FAM234A: variants seen among roughly 807,000 people sequenced by gnomAD.
FAM234A encodes the protein family with sequence similarity 234 member A.
FAM234A carries 42 observed loss-of-function variants against 49.1 expected under a neutral mutation model. The ratio of observed to expected loss-of-function variants is 0.86; its 90% CI spans 0.67 to 1.11. The LOEUF is 1.11. Ranked by LOEUF, FAM234A falls within the 50% of genes least tolerant of loss-of-function variation. FAM234A has a pLI of 0.00. For synonymous variants in FAM234A, 369 were observed against 316.2 expected, an observed-to-expected ratio of 1.17 and a Z score of -1.77; for missense variants, 815 against 745.2, an observed-to-expected ratio of 1.09 and a Z score of -1.09.
At chr16:244,782 G>C (rs553364901) in intron 1 of FAM234A, among the ~76,000 whole-genome samples, 1 of 147,632 alleles carries the variant, frequency 6.8e-6, no homozygotes, top group East Asian at 2.0e-4. Context: ...CTGCCTCCCA[G>C]GTTCAAGTGA....
chr16:269,416 G>T, downstream of FAM234A: 1 of 1,589,734 alleles, frequency 6.3e-7, no homozygotes, highest in South Asian at 1.1e-5. Context: ...GAACAGGCTG[G>T]CCAGCTGGTG....
At chr16:244,826 T>C (rs920058752) in intron 1 of FAM234A, among the ~76,000 whole-genome samples, 3 of 151,630 alleles carry the variant, frequency 2.0e-5, no homozygotes, top group African/African-American at 7.3e-5. Flanking sequence ...TAGCTGGGAT[T>C]ACAGGCATGC....
chr16:245,072 C>G (rs886413715), intron 1 of FAM234A, among the ~76,000 whole-genome samples: 1 of 151,916 alleles, frequency 6.6e-6, no homozygotes, highest in Non-Finnish European at 1.5e-5. Context: ...TTTTAAAATG[C>G]TTAACTTTTA....
chr16:269,010 C>T, downstream of FAM234A: 1 of 1,416,984 alleles, frequency 7.1e-7, no homozygotes. Context: ...CTTCAGGTAA[C>T]AGGCTCTGCC....
At chr16:264,393 C>T (rs1299312221) in intron 11 of FAM234A, among the ~76,000 whole-genome samples, 2 of 152,236 alleles carry the variant, frequency 1.3e-5, no homozygotes, top group African/African-American at 2.4e-5. Context: ...GGGGCGCACA[C>T]AGCCATGCCC....
At chr16:246,165 A>G (rs1252756711) in intron 1 of FAM234A, among the ~76,000 whole-genome samples, 1 of 151,746 alleles carries the variant, frequency 6.6e-6, no homozygotes, top group Non-Finnish European at 1.5e-5. Context: ...CAGTGAGCCA[A>G]GATCACGCCA....
chr16:252,630 T>G (rs1189822139), intron 2 of FAM234A, among the ~76,000 whole-genome samples: 2 of 152,208 alleles, frequency 1.3e-5, no homozygotes, highest in Non-Finnish European at 2.9e-5. Flanking sequence ...CAACGTACGA[T>G]GTTCTGATTT....
intron 1 of FAM234A, among the ~76,000 whole-genome samples, chr16:248,643 CAG>C (rs1396062635): frequency 6.6e-6 from 1 of 151,846 alleles, no homozygotes; most frequent in Non-Finnish European, 1.5e-5. Flanking sequence ...TTTTTTGAAA[CAG>C]GGTCTTGTTC....
chr16:266,257 A>T (rs915409437), downstream of FAM234A: 1 of 218,988 alleles, frequency 4.6e-6, no homozygotes, highest in African/African-American at 2.3e-5. Flanking sequence ...CCCCACCCAG[A>T]CCTGCTCAGT....
chr16:257,967 C>A (rs1359997851), intron 3 of FAM234A, among the ~76,000 whole-genome samples: 1 of 152,078 alleles, frequency 6.6e-6, no homozygotes, highest in African/African-American at 2.4e-5. Flanking sequence ...AGGCGATTCT[C>A]CTGCCTTAGC....
At position 263,297 on chromosome 16, in the gene FAM234A, G is replaced by C. The variant is rs777439873; in HGVS notation, c.1007G>C (p.Gly336Ala). The C allele has an allele frequency of 2.5e-6, 4 of 1,613,166 alleles. No homozygotes were observed. The highest frequency in any genetic ancestry group is 2.5e-6 in the Non-Finnish European group (3 of 1,180,012). Residue 336 changes from glycine (G) to alanine (A), a missense_variant, in exon 9 of 13, where the codon GGG becomes GCG. Coordinates refer to ENST00000399932, the MANE Select transcript of FAM234A (RefSeq NM_032039.4). ...GTGCGCTACCTGATGCATGTCCCAG[G>C]GAACGCCGGTGCAGATGTGCTTCTT... ...GAVRYLMHVPGNAGADVLLVG... is the reference protein window; with the variant it reads ...GAVRYLMHVPANAGADVLLVG...
In FAM234A at chr16:234,871, G is replaced by C. The variant is rs965596225; in HGVS notation, c.-140+14G>C. On this transcript the variant is annotated intron_variant, in intron 1 of 12. Transcript: ENST00000399932. ...CCGCGGCGGCAGGTGAGTGAGCGCG[G>C]CCTCGTACTCGCGCGTGCACGCCGC... The C allele has an allele frequency of 6.6e-6, 1 of 152,312 alleles. No individual in the cohort carries two copies. Among genetic ancestry groups the C allele is most frequent in the Non-Finnish European group, 1.5e-5 (1 of 68,162 alleles). The allele number at this position is 152,312 out of a possible 1,614,324, so 9.4% of individuals were successfully genotyped here.
At chr16:254,932 C>T (rs545413524) in intron 3 of FAM234A, among the ~76,000 whole-genome samples, 146 of 152,258 alleles carry the variant, frequency 9.6e-4, no homozygotes, top group African/African-American at 3.1e-3. Context: ...CTCAGCTCAC[C>T]GCTACTTCTG....
Position 260,294 on chromosome 16 carries a change from T to C in FAM234A, c.577+134T>C, listed in dbSNP as rs114422311. ...AGGGTGGCTGGATGGGAAGGAAGGT[T>C]ATGGGGAGAACCTCCAAGTGAGGCT... On this transcript the variant is annotated intron_variant, in intron 5 of 12. Coordinates refer to ENST00000399932, the MANE Select transcript of FAM234A (RefSeq NM_032039.4). 1.1e-3 allele frequency: 954 copies of C among 830,814 alleles called. 2 individuals carry two copies. Among genetic ancestry groups the C allele is most frequent in the African/African-American group, 0.01 (593 of 59,222 alleles). The allele number at this position is 830,814 out of a possible 1,614,324, so 51.5% of individuals were successfully genotyped here. A position where few individuals can be genotyped will look rare whatever the true frequency, so the allele number is the denominator to read the frequency against.
chr16:261,962 C>G, intron 6 of FAM234A, 131 bp from the exon 7 acceptor site: 2 of 1,270,296 alleles, frequency 1.6e-6, no homozygotes, highest in Non-Finnish European at 2.2e-6. Flanking sequence ...CGCCCCCAGG[C>G]TCACGTCCCT....
chr16:244,601 TG>T (rs1437505083), intron 1 of FAM234A, among the ~76,000 whole-genome samples: 2 of 152,140 alleles, frequency 1.3e-5, no homozygotes, highest in African/African-American at 4.8e-5. Context: ...CTTTTTATTT[TG>T]GACTACTTAT....
At chr16:255,133 C>T (rs892569305) in intron 3 of FAM234A, among the ~76,000 whole-genome samples, 2 of 152,150 alleles carry the variant, frequency 1.3e-5, no homozygotes, top group African/African-American at 2.4e-5. Context: ...AGATTACAGG[C>T]GTGAGCCACA....
chr16:253,075 C>T (rs1422236004), intron 2 of FAM234A, among the ~76,000 whole-genome samples: 1 of 152,198 alleles, frequency 6.6e-6, no homozygotes, highest in African/African-American at 2.4e-5. Flanking sequence ...GTTTTTTTCT[C>T]GTTTTATACA....
At chr16:251,684 T>G (rs896458263) in intron 2 of FAM234A, among the ~76,000 whole-genome samples, 3 of 137,498 alleles carry the variant, frequency 2.2e-5, no homozygotes, top group African/African-American at 3.0e-5. Context: ...GCCAGGTTTT[T>G]TTTTTTTTTT....
Sources: gnomAD v4.1 joint callset for allele counts (sites outside exome capture counted in the v4.1 genomes callset) on GRCh38, gnomAD v4.1.1 for gene constraint, MANE v1.5 for transcripts, NCBI Gene and HGNC (gene_info 2026-07-23, HGNC 2026-07-21) for gene names.